The following GABRG3 variants were observed in gnomAD, a reference collection of about 807,000 sequenced individuals.
The protein encoded by GABRG3 is gamma-aminobutyric acid type A receptor subunit gamma3, also known as gamma-aminobutyric acid receptor subunit gamma-3.
GABRG3 carries 25 observed loss-of-function variants against 48.8 expected under a neutral mutation model. The ratio of observed to expected loss-of-function variants is 0.51; its 90% confidence interval spans 0.37 to 0.72. The LOEUF (loss-of-function observed/expected upper bound fraction) is 0.72, where lower values mean the gene tolerates loss of function less well. GABRG3 is among the 30% of genes least tolerant of loss of function. The pLI is 0.00. For missense variants in GABRG3, 394 were observed against 577.9 expected (o/e 0.68, Z 3.26); for synonymous variants, 227 against 217.6 (o/e 1.04, Z -0.38).
At chr15:27,281,522 G>T in intron 3 of GABRG3, among the ~76,000 whole-genome samples, 1 of 150,438 alleles carries the variant, frequency 6.6e-6, no homozygotes, top group Admixed American at 6.6e-5. Context: ...AGTTTTTAGG[G>T]GGTATATCTT....
chr15:27,369,619 C>T lies in GABRG3; in HGVS notation c.574+40731C>T, dbSNP rs144684232. Among the ~76,000 whole-genome samples, 442 of 151,932 alleles carry T rather than the reference C, an allele frequency of 2.9e-3. 4 individuals carry two copies. Among genetic ancestry groups the T allele is most frequent in the African/African-American group, 0.01 (417 of 41,460 alleles). ...GATCATGAGGTCAGGAGATCGAGAC[C>T]ATCCTGGCTGACACTGTCTCTACTA... On this transcript the variant is annotated intron_variant, in intron 5 of 9. Transcript: ENST00000615808.
intron 2 of GABRG3, among the ~76,000 whole-genome samples, chr15:27,007,825 A>G (rs910184711): frequency 6.6e-6 from 1 of 152,090 alleles, no homozygotes; most frequent in Non-Finnish European, 1.5e-5. Context: ...TATTGGATGC[A>G]TAGTTTGCAA....
intron 3 of GABRG3, among the ~76,000 whole-genome samples, chr15:27,124,151 G>A (rs1182080432): frequency 6.6e-6 from 1 of 152,130 alleles, no homozygotes; most frequent in Admixed American, 6.5e-5. Flanking sequence ...TTAGAGCCTG[G>A]GGACAAATTG....
chr15:27,251,078 T>C (rs1329600956), intron 3 of GABRG3, among the ~76,000 whole-genome samples: 1 of 152,206 alleles, frequency 6.6e-6, no homozygotes, highest in East Asian at 1.9e-4. Flanking sequence ...CTGCCACGCC[T>C]GCTGCCTGGC....
Position 27,380,998 on chromosome 15 carries a change from C to G in GABRG3, c.574+52110C>G, listed in dbSNP as rs554153087. On this transcript the variant is annotated intron_variant, in intron 5 of 9. Coordinates refer to ENST00000615808, the MANE Select transcript of GABRG3 (RefSeq NM_033223.5). The stretch of plus-strand genomic sequence containing the variant: ...GCCAGGACGGTCTCAATCTCCTGAC[C>G]TCGTGATCCACCCGCCTCGGCCTCC... Among the ~76,000 whole-genome samples, 809 of 152,160 alleles carry G rather than the reference C, an allele frequency of 5.3e-3. 10 individuals carry two copies. The highest frequency in any genetic ancestry group is 0.018 in the African/African-American group (763 of 41,510).
chr15:27,410,889 T>TGTGTGTG (rs1887777641), intron 5 of GABRG3, among the ~76,000 whole-genome samples: 1 of 134,684 alleles, frequency 7.4e-6, no homozygotes, highest in African/African-American at 2.8e-5. Flanking sequence ...TGTGTGTGTG[T>TGTGTGTG]TGGAATGCTT....
chr15:27,153,083 G>T (rs208160), intron 3 of GABRG3, among the ~76,000 whole-genome samples: 34,675 of 151,984 alleles, frequency 0.23, 5,140 homozygotes, highest in Non-Finnish European at 0.33. Flanking sequence ...GGATGGTCTC[G>T]ATCTCCTGAC....
chr15:27,444,362 C>A (rs1370833173), intron 5 of GABRG3, among the ~76,000 whole-genome samples: 1 of 152,024 alleles, frequency 6.6e-6, no homozygotes, highest in Non-Finnish European at 1.5e-5. Context: ...ATCATTAACT[C>A]CCCCAAATTA....
intron 3 of GABRG3, among the ~76,000 whole-genome samples, chr15:27,132,809 T>C (rs1897943042): frequency 6.6e-6 from 1 of 151,730 alleles, no homozygotes; most frequent in African/African-American, 2.4e-5. Flanking sequence ...TTATCTGTGC[T>C]CTAATCTTTA....
At position 27,325,575 on chromosome 15, in the gene GABRG3, C is replaced by T. The variant is rs988816952; in HGVS notation, c.271-1234C>T. On this transcript the variant is annotated intron_variant, in intron 3 of 9. Coordinates refer to ENST00000615808, the MANE Select transcript of GABRG3 (RefSeq NM_033223.5). Reference sequence around the variant, plus strand: ...TCTAATTTGAATCCTTAATAATACACCAGCCTTATTTTTGTGTGCAGTGTA... The same window carrying T: ...TCTAATTTGAATCCTTAATAATACATCAGCCTTATTTTTGTGTGCAGTGTA... Among the ~76,000 whole-genome samples, 23 of 152,162 alleles carry T rather than the reference C, an allele frequency of 1.5e-4. 1 individual carries two copies. The highest frequency in any genetic ancestry group is 1.2e-3 in the Admixed American group (19 of 15,266).
At chr15:27,524,631 T>A (rs555366725) in intron 7 of GABRG3, among the ~76,000 whole-genome samples, 1 of 152,178 alleles carries the variant, frequency 6.6e-6, no homozygotes, top group Non-Finnish European at 1.5e-5. Flanking sequence ...TACATTTCAG[T>A]CACATTGGTA....
At chr15:27,152,101 T>G (rs1359427231) in intron 3 of GABRG3, among the ~76,000 whole-genome samples, 1 of 152,212 alleles carries the variant, frequency 6.6e-6, no homozygotes, top group African/African-American at 2.4e-5. Context: ...ATTTTCTTCC[T>G]TAGTTTTCCT....
chr15:27,087,627 G>A (rs1897100019), intron 3 of GABRG3, among the ~76,000 whole-genome samples: 1 of 152,174 alleles, frequency 6.6e-6, no homozygotes, highest in Admixed American at 6.5e-5. Flanking sequence ...GTATGCAAAT[G>A]TGTGAGATTG....
intron 3 of GABRG3, among the ~76,000 whole-genome samples, chr15:27,189,449 T>C (rs1264227983): frequency 6.6e-6 from 1 of 152,226 alleles, no homozygotes. Context: ...TTCACGTCCC[T>C]TGTAAGGTGG....
At chr15:27,356,058 G>A (rs976908127) in intron 5 of GABRG3, among the ~76,000 whole-genome samples, 2 of 152,132 alleles carry the variant, frequency 1.3e-5, no homozygotes, top group African/African-American at 4.8e-5. Context: ...CCACCAAATT[G>A]TCTACTTTTA....
intron 3 of GABRG3, among the ~76,000 whole-genome samples, chr15:27,035,099 G>A (rs541079483): frequency 1.3e-4 from 20 of 152,278 alleles, no homozygotes; most frequent in Non-Finnish European, 2.5e-4. Context: ...GGACCACCAC[G>A]CACATGTCTC....
intron 5 of GABRG3, among the ~76,000 whole-genome samples, chr15:27,439,541 C>A (rs1157595238): frequency 6.6e-6 from 1 of 152,134 alleles, no homozygotes; most frequent in East Asian, 1.9e-4. Context: ...GAACTGACAT[C>A]AAAAATAGTG....
At position 27,447,009 on chromosome 15, in the gene GABRG3, G is replaced by T. The variant is rs1018943122; in HGVS notation, c.575-33641G>T. On this transcript the variant is annotated intron_variant, in intron 5 of 9. Transcript: ENST00000615808. This position sits in a 1 kb window ranked among gnomAD's most constrained non-coding sequence, Gnocchi z 4.0. Reference sequence around the variant, plus strand: ...CTGATGCTCCTCCCATGCACCAGGGGCAGTACTATGCATTGAGGGTCTAGG... The same window carrying T: ...CTGATGCTCCTCCCATGCACCAGGGTCAGTACTATGCATTGAGGGTCTAGG... Among the ~76,000 whole-genome samples the T allele has an allele frequency of 6.6e-6, 1 of 152,128 alleles. No homozygotes were observed. The highest frequency in any genetic ancestry group is 2.4e-5 in the African/African-American group (1 of 41,416).
rs1895973490 is a variant in GABRG3 at position 27,025,775 on chromosome 15, A to T, written c.203-979A>T. Among the ~76,000 whole-genome samples, 3 of 152,232 alleles carry T rather than the reference A, an allele frequency of 2.0e-5. No homozygotes were observed. The South Asian group carries it at 6.2e-4, about 31-fold the overall frequency. ...AGGAAGCACATTCACATAATTGCAT[A>T]GACTACACTCTTGTTTCTATAGAAA... On this transcript the variant is annotated intron_variant, in intron 2 of 9. Coordinates refer to ENST00000615808, the MANE Select transcript of GABRG3 (RefSeq NM_033223.5).
Sources: gnomAD v4.1 joint callset for allele counts (sites outside exome capture counted in the v4.1 genomes callset) on GRCh38, gnomAD v4.1.1 for gene constraint, Gnocchi (gnomAD v3.1) non-coding constraint, MANE v1.5 for transcripts, NCBI Gene and HGNC (gene_info 2026-07-23, HGNC 2026-07-21) for gene names.